The following CNGB3 variants were observed in gnomAD, a reference collection of about 807,000 sequenced individuals.
The protein encoded by CNGB3 is cyclic nucleotide-gated channel beta-3.
In CNGB3, 86 loss-of-function variants were observed where a neutral mutation model predicts 92.8. The observed-to-expected ratio is 0.93, with a 90% confidence interval of 0.78 to 1.11. CNGB3 has a LOEUF of 1.11. Ranked by LOEUF, CNGB3 falls within the 50% of genes least tolerant of loss-of-function variation. CNGB3 has a pLI of 0.00. For missense variants in CNGB3, 1,026 were observed against 956.8 expected (o/e 1.07, Z -0.95); for synonymous variants, 333 against 332.7 (o/e 1.00, Z -0.01).
At chr8:86,692,039 G>A (rs1443308830) in intron 3 of CNGB3, among the ~76,000 whole-genome samples, 2 of 152,088 alleles carry the variant, frequency 1.3e-5, no homozygotes, top group African/African-American at 4.8e-5. Flanking sequence ...TGGCTTCGAG[G>A]GTTCCTTTTG....
chr8:86,741,407 T>A (rs1001828180), intron 1 of CNGB3, among the ~76,000 whole-genome samples: 2 of 152,166 alleles, frequency 1.3e-5, no homozygotes, highest in African/African-American at 4.8e-5. Flanking sequence ...CTCATGCGTG[T>A]AATCCCAACA....
intron 10 of CNGB3, among the ~76,000 whole-genome samples, chr8:86,633,976 A>G (rs1823014159): frequency 6.6e-6 from 1 of 152,226 alleles, no homozygotes; most frequent in Non-Finnish European, 1.5e-5. Flanking sequence ...GGTATTGAAG[A>G]AAATCAAGTA....
chr8:86,650,433 A>G (rs957837182), intron 7 of CNGB3, among the ~76,000 whole-genome samples: 4 of 151,510 alleles, frequency 2.6e-5, no homozygotes, highest in Non-Finnish European at 5.9e-5. Flanking sequence ...ACACATGCAC[A>G]TATAGGTTTA....
chr8:86,704,634 C>T (rs1361369500), intron 3 of CNGB3, among the ~76,000 whole-genome samples: 3 of 152,112 alleles, frequency 2.0e-5, no homozygotes, highest in African/African-American at 7.2e-5. Context: ...ACTTGGTCCA[C>T]CAAGGGACAC....
intron 3 of CNGB3, among the ~76,000 whole-genome samples, chr8:86,720,649 A>G (rs1250010472): frequency 6.6e-6 from 1 of 152,134 alleles, no homozygotes; most frequent in African/African-American, 2.4e-5. Flanking sequence ...ACTACTAGGT[A>G]TCTACCCGGA....
chr8:86,639,145 C>T (rs571019635), intron 10 of CNGB3, among the ~76,000 whole-genome samples: 1 of 125,514 alleles, frequency 8.0e-6, no homozygotes, highest in African/African-American at 3.1e-5. Context: ...TCCCATGATG[C>T]CTTGTTTACT....
At chr8:86,679,922 G>T (rs1177083803) in intron 3 of CNGB3, among the ~76,000 whole-genome samples, 1 of 152,130 alleles carries the variant, frequency 6.6e-6, no homozygotes, top group African/African-American at 2.4e-5. Flanking sequence ...ACAGCAAGAA[G>T]GCAGCCATCT....
intron 3 of CNGB3, among the ~76,000 whole-genome samples, chr8:86,708,350 G>A (rs1391338859): frequency 1.3e-5 from 2 of 152,072 alleles, no homozygotes; most frequent in African/African-American, 4.8e-5. Flanking sequence ...GCCAGATAAA[G>A]ATAGAAAGGA....
At chr8:86,670,194 T>C (rs1255421246) in intron 4 of CNGB3, among the ~76,000 whole-genome samples, 1 of 152,236 alleles carries the variant, frequency 6.6e-6, no homozygotes, top group African/African-American at 2.4e-5. Flanking sequence ...GCGTGGTTGA[T>C]AATAGTCCCT....
intron 15 of CNGB3, chr8:86,593,677 C>T (rs1273662429): frequency 9.4e-6 from 6 of 641,412 alleles, no homozygotes; most frequent in Middle Eastern, 4.3e-4. Flanking sequence ...TGTCTGCCCA[C>T]AGCCAGACCT....
chr8:86,655,009 C>T (rs1482649021), intron 6 of CNGB3, among the ~76,000 whole-genome samples: 2 of 152,170 alleles, frequency 1.3e-5, no homozygotes, highest in African/African-American at 2.4e-5. Context: ...CTGCACCAAA[C>T]CTGAATTCAT....
At chr8:86,664,882 G>A (rs1823711769) in intron 6 of CNGB3, among the ~76,000 whole-genome samples, 1 of 152,080 alleles carries the variant, frequency 6.6e-6, no homozygotes, top group Non-Finnish European at 1.5e-5. Flanking sequence ...TGGAGATATG[G>A]ATGGCTCATT....
At chr8:86,694,743 G>A (rs1824411939) in intron 3 of CNGB3, among the ~76,000 whole-genome samples, 1 of 151,956 alleles carries the variant, frequency 6.6e-6, no homozygotes. Flanking sequence ...AGATGGGATG[G>A]CGGCGGGGAA....
chr8:86,743,341 A>G (rs1825373601), intron 1 of CNGB3, among the ~76,000 whole-genome samples, 158 bp downstream of exon 1: 1 of 152,222 alleles, frequency 6.6e-6, no homozygotes, highest in South Asian at 2.1e-4. Flanking sequence ...ATACATACAG[A>G]ATATATAAAT....
chr8:86,645,309 CTCCTACTTCCTACT>C (rs539854246), intron 8 of CNGB3, among the ~76,000 whole-genome samples: 3 of 151,048 alleles, frequency 2.0e-5, no homozygotes, highest in African/African-American at 7.3e-5. Context: ...CCTGCATGCA[CTCCTACTTCCTACT>C]TCCTACTTCC....
chr8:86,653,322 T>C (rs1271288097), intron 7 of CNGB3, among the ~76,000 whole-genome samples: 2 of 151,760 alleles, frequency 1.3e-5, no homozygotes, highest in Non-Finnish European at 2.9e-5. Context: ...AGAAAATTAG[T>C]CGGAGATTAA....
intron 3 of CNGB3, 32 bp from the exon 4 acceptor site, chr8:86,671,130 G>A (rs911255460): frequency 6.2e-7 from 1 of 1,609,804 alleles, no homozygotes; most frequent in Non-Finnish European, 8.5e-7. Context: ...AATAGAGATG[G>A]GCCCATGAAG....
chr8:86,735,819 A>G (rs1825241765), intron 2 of CNGB3, among the ~76,000 whole-genome samples: 1 of 152,222 alleles, frequency 6.6e-6, no homozygotes, highest in African/African-American at 2.4e-5. Flanking sequence ...TTTAGAGATT[A>G]TGGTGTGGAC....
chr8:86,673,966 G>A (rs951329212), intron 3 of CNGB3, among the ~76,000 whole-genome samples: 2 of 152,318 alleles, frequency 1.3e-5, no homozygotes, highest in Non-Finnish European at 2.9e-5. Flanking sequence ...ATCATAGACT[G>A]TAAGATTCTC....
Sources: gnomAD v4.1 joint callset for allele counts (sites outside exome capture counted in the v4.1 genomes callset) on GRCh38, gnomAD v4.1.1 for gene constraint, MANE v1.5 for transcripts, NCBI Gene and HGNC (gene_info 2026-07-23, HGNC 2026-07-21) for gene names.